Variants in LRRC1 observed in about 807,000 individuals in gnomAD.
LRRC1 encodes leucine-rich repeat-containing protein 1.
Under a neutral mutation model 69.9 loss-of-function variants are expected in LRRC1, and 28 were observed. The observed-to-expected ratio is 0.40, with a 90% CI of 0.30 to 0.55. The LOEUF (loss-of-function observed/expected upper bound fraction) is 0.55, where lower values mean the gene tolerates loss of function less well. Ranked by LOEUF, LRRC1 falls within the 20% of genes least tolerant of loss-of-function variation. The pLI is 0.47. For synonymous variants in LRRC1, 236 were observed against 240.2 expected, an observed-to-expected ratio of 0.98 and a Z score of 0.16; for missense variants, 498 against 609.0, an observed-to-expected ratio of 0.82 and a Z score of 1.92.
intron 1 of LRRC1, among the ~76,000 whole-genome samples, chr6:53,808,129 G>A (rs1764689448): frequency 6.6e-6 from 1 of 152,224 alleles, no homozygotes; most frequent in Non-Finnish European, 1.5e-5. Flanking sequence ...CTGCTGATTA[G>A]AAATTAGATG....
At chr6:53,919,789 C>A in intron 12 of LRRC1, 119 bp downstream of exon 12, 1 of 895,922 alleles carries the variant, frequency 1.1e-6, no homozygotes, top group Non-Finnish European at 1.6e-6. Context: ...GCACCTAGAG[C>A]CAGCTCAGGT....
intron 2 of LRRC1, among the ~76,000 whole-genome samples, chr6:53,866,015 TG>T (rs2127425015): frequency 6.6e-6 from 1 of 152,206 alleles, no homozygotes; most frequent in African/African-American, 2.4e-5. Flanking sequence ...CCACTGCGCC[TG>T]GCTAAGACTC....
chr6:53,919,497 G>T lies in LRRC1; in HGVS notation c.1107-1G>T. ...TTTTTTAAAAAAAAAAAAAAAAACA[G>T]GTTGCTGCATCTACCTTTATCCCTG... is the stretch of plus-strand genomic sequence containing the variant. On this transcript the variant is annotated splice_acceptor_variant, in intron 11 of 13. Transcript: ENST00000370888. LOFTEE classifies it high-confidence loss of function. 1 of 1,454,282 alleles carries T rather than the reference G, an allele frequency of 6.9e-7. No individual in the cohort carries two copies. The highest frequency in any genetic ancestry group is 9.1e-7 in the Non-Finnish European group (1 of 1,100,908). 90.1% of individuals were successfully genotyped at this position (1,454,282 alleles called of 1,614,324 possible). A position where few individuals can be genotyped will look rare whatever the true frequency, so the allele number is the denominator to read the frequency against.
intron 1 of LRRC1, 145 bp downstream of exon 1, chr6:53,795,560 C>T (rs4314499): frequency 0.23 from 173,738 of 743,620 alleles, 24,633 homozygotes; most frequent in East Asian, 0.6. Flanking sequence ...CTTTCTCCCC[C>T]TGTCTCTTTA....
Position 53,919,621 on chromosome 6 carries a change from T to A in LRRC1, c.1230T>A (p.Ile410=), listed in dbSNP as rs1768678822. The A allele has an allele frequency of 6.2e-7, 1 of 1,613,904 alleles. No homozygotes were observed. The highest frequency in any genetic ancestry group is 1.3e-5 in the African/African-American group (1 of 75,000). The change falls in exon 12 of 14, where the codon ATT becomes ATA. Residue 410 remains isoleucine (I), a synonymous_variant. Transcript: ENST00000370888. ...CAGACTACACCACAGGAGAGAAGAT[T>A]TTAACCTGTGTCTTACTTCCTCAGC... ...TDTDYTTGEK[I]LTCVLLPQLP... is the part of the protein sequence containing the mutation.
chr6:53,887,079 C>T (rs1767510834), intron 4 of LRRC1, among the ~76,000 whole-genome samples: 3 of 152,094 alleles, frequency 2.0e-5, no homozygotes, highest in Admixed American at 6.5e-5. Flanking sequence ...AGCTCAGGTT[C>T]TGGAAGATTT....
chr6:53,804,540 T>G (rs2127403197), intron 1 of LRRC1, among the ~76,000 whole-genome samples: 1 of 152,370 alleles, frequency 6.6e-6, no homozygotes, highest in African/African-American at 2.4e-5. Context: ...CACCATATCT[T>G]GGACATTTTT....
chr6:53,844,564 G>A (rs569160379), intron 2 of LRRC1, among the ~76,000 whole-genome samples: 1 of 152,304 alleles, frequency 6.6e-6, no homozygotes, highest in South Asian at 2.1e-4. Context: ...CTTCCAGCAC[G>A]TTGATAAAAG....
At position 53,893,262 on chromosome 6, in the gene LRRC1, G is replaced by A. The variant is rs560100509; in HGVS notation, c.447-3236G>A. ...ATAGATATGATTATATTTATTTTAG[G>A]GAAAATCGAGATTCAGCAGTAAACA... On this transcript the variant is annotated intron_variant, in intron 4 of 13. Coordinates refer to ENST00000370888, the MANE Select transcript of LRRC1 (RefSeq NM_018214.5). Among the ~76,000 whole-genome samples the A allele has an allele frequency of 4.2e-4, 64 of 152,134 alleles. No individual in the cohort carries two copies. The South Asian group carries it at 0.011, about 26-fold the overall frequency.
intron 2 of LRRC1, among the ~76,000 whole-genome samples, chr6:53,848,013 T>C (rs1197805011): frequency 6.6e-6 from 1 of 152,240 alleles, no homozygotes; most frequent in African/African-American, 2.4e-5. Flanking sequence ...TCTTGCAGCC[T>C]AATTTGGGCC....
chr6:53,807,258 A>G (rs1764658916), intron 1 of LRRC1, among the ~76,000 whole-genome samples: 1 of 152,094 alleles, frequency 6.6e-6, no homozygotes, highest in Non-Finnish European at 1.5e-5. Context: ...TCTCTGCCGG[A>G]TCCTGACAGA....
At chr6:53,835,003 T>C (rs1253394965) in intron 1 of LRRC1, among the ~76,000 whole-genome samples, 1 of 152,174 alleles carries the variant, frequency 6.6e-6, no homozygotes, top group Non-Finnish European at 1.5e-5. Context: ...AAAGTATCTG[T>C]GTATCCCCAG....
chr6:53,885,684 A>C (rs1301111798), intron 4 of LRRC1, among the ~76,000 whole-genome samples: 1 of 152,174 alleles, frequency 6.6e-6, no homozygotes, highest in Non-Finnish European at 1.5e-5. Flanking sequence ...GGATGTCTCA[A>C]GGACTTGGGC....
At chr6:53,857,584 T>A (rs1766352707) in intron 2 of LRRC1, among the ~76,000 whole-genome samples, 1 of 152,014 alleles carries the variant, frequency 6.6e-6, no homozygotes, top group Admixed American at 6.6e-5. Context: ...ACAAAGAAAT[T>A]CTCGAGAGCT....
intron 2 of LRRC1, among the ~76,000 whole-genome samples, chr6:53,862,068 C>T (rs973361247): frequency 1.1e-4 from 16 of 152,268 alleles, no homozygotes; most frequent in African/African-American, 3.4e-4. Flanking sequence ...TTAAAGACTT[C>T]ATTTCTGGAT....
chr6:53,888,941 A>G (rs1297854833), intron 4 of LRRC1, among the ~76,000 whole-genome samples: 1 of 152,200 alleles, frequency 6.6e-6, no homozygotes, highest in Non-Finnish European at 1.5e-5. Flanking sequence ...ATGGGAAAAA[A>G]TATTTGTAAA....
intron 2 of LRRC1, among the ~76,000 whole-genome samples, chr6:53,867,256 T>C (rs1395240214): frequency 6.6e-6 from 1 of 152,098 alleles, no homozygotes; most frequent in African/African-American, 2.4e-5. Flanking sequence ...TCACACTTAG[T>C]AGGCGCTCAG....
Position 53,902,727 on chromosome 6 carries a change from C to G in LRRC1, c.886C>G (p.Leu296Val), listed in dbSNP as rs983890530. 14 of 1,611,390 alleles carry G rather than the reference C, an allele frequency of 8.7e-6. No homozygotes were observed. The highest frequency in any genetic ancestry group is 1.2e-5 in the Non-Finnish European group (14 of 1,178,282). Residue 296 changes from leucine (L) to valine (V), a missense_variant, in exon 9 of 14, where the codon CTT (leucine) becomes GTT (valine). Around this residue, in one of 3 missense-constraint regions of LRRC1, gnomAD observed 266 missense variants for 383.9 expected, o/e 0.69. Transcript: ENST00000370888. ...ATGTGAAAGTCTCACTGAGTTAGTTCTTACAGAAAATCAGCTCCTGGTAAG... is the reference window on the plus strand; with the variant it reads ...ATGTGAAAGTCTCACTGAGTTAGTTGTTACAGAAAATCAGCTCCTGGTAAG... ...GECESLTELV[L>V]TENQLLTLPK... is the part of the protein sequence containing the mutation.
intron 2 of LRRC1, among the ~76,000 whole-genome samples, chr6:53,843,064 C>T (rs543271567): frequency 2.0e-5 from 3 of 152,238 alleles, no homozygotes; most frequent in Admixed American, 6.5e-5. Context: ...ATTAAATTAA[C>T]GTAGCAACTC....
Sources: allele counts gnomAD v4.1 joint callset (sites outside exome capture counted in the v4.1 genomes callset), GRCh38; gene constraint gnomAD v4.1.1; regional missense constraint gnomAD v4.1.1; transcripts MANE v1.5; gene names NCBI Gene and HGNC (gene_info 2026-07-23, HGNC 2026-07-21).